Variants in RALYL observed in about 807,000 individuals in gnomAD.
RALYL encodes the protein RALY RNA binding protein like.
RALYL carries 29 observed loss-of-function variants against 35.1 expected under a neutral mutation model. That is an observed-to-expected ratio of 0.83 (90% CI 0.61 to 1.13). The LOEUF (loss-of-function observed/expected upper bound fraction) is 1.13. Among genes scored for constraint, RALYL ranks in the 50% most tolerant of loss-of-function variants. RALYL has a pLI of 0.00. For synonymous variants in RALYL, 120 were observed against 127.6 expected, an observed-to-expected ratio of 0.94 and a Z score of 0.40; for missense variants, 359 against 360.4, an observed-to-expected ratio of 1.00 and a Z score of 0.03.
rs551860795 is a variant in RALYL, at chr8:84,877,397, G to C, written c.685+4000G>C. ...AGCTACTCAGGAGTCTGAGGCAGGA[G>C]AATTGCTTGAACCCAGGAGGTGGAA... is the stretch of plus-strand genomic sequence containing the variant. On this transcript the variant is annotated intron_variant, in intron 7 of 8. Transcript: ENST00000521268. Among the ~76,000 whole-genome samples, 198 of 152,206 alleles carry C rather than the reference G, an allele frequency of 1.3e-3. 1 individual carries two copies. The highest frequency in any genetic ancestry group is 6.2e-3 in the South Asian group (30 of 4,818).
At chr8:84,880,435 C>T (rs1009343583) in intron 7 of RALYL, among the ~76,000 whole-genome samples, 4 of 151,952 alleles carry the variant, frequency 2.6e-5, no homozygotes, top group African/African-American at 9.7e-5. Flanking sequence ...TAGATATACT[C>T]CTCTGTACCC....
intron 1 of RALYL, among the ~76,000 whole-genome samples, chr8:84,414,187 GA>G (rs1383342560): frequency 6.6e-6 from 1 of 151,928 alleles, no homozygotes; most frequent in African/African-American, 2.4e-5. Context: ...AAATTTTCAT[GA>G]AAACCATTTT....
chr8:84,468,486 G>T (rs901347100), intron 1 of RALYL, among the ~76,000 whole-genome samples: 1 of 148,982 alleles, frequency 6.7e-6, no homozygotes, highest in East Asian at 2.0e-4. Context: ...CTCTCTTCTG[G>T]CTTGTAGGGT....
intron 2 of RALYL, among the ~76,000 whole-genome samples, chr8:84,743,622 T>A (rs1294711392): frequency 6.6e-6 from 1 of 152,014 alleles, no homozygotes; most frequent in Admixed American, 6.6e-5. Context: ...AGTTTTATGC[T>A]TTTTGAGACA....
chr8:84,899,718 G>A (rs754555179), intron 8 of RALYL, among the ~76,000 whole-genome samples: 8 of 152,138 alleles, frequency 5.3e-5, no homozygotes, highest in Non-Finnish European at 8.8e-5. Context: ...ACTCTATCGT[G>A]TTGGTTTTCA....
chr8:84,397,672 T>G (rs376427706), intron 1 of RALYL, among the ~76,000 whole-genome samples: 2 of 152,192 alleles, frequency 1.3e-5, no homozygotes, highest in East Asian at 1.9e-4. Context: ...ATGAAATGAC[T>G]TAAGAATAAG....
chr8:84,683,351 A>G (rs1341919078), intron 2 of RALYL, among the ~76,000 whole-genome samples: 1 of 152,030 alleles, frequency 6.6e-6, no homozygotes, highest in Non-Finnish European at 1.5e-5. Flanking sequence ...GTAGATGTCT[A>G]TTAGGTCTGC....
intron 1 of RALYL, among the ~76,000 whole-genome samples, chr8:84,272,316 A>G (rs529315774): frequency 6.6e-5 from 10 of 151,964 alleles, no homozygotes; most frequent in African/African-American, 2.4e-4. Flanking sequence ...CTGGTCTCGA[A>G]CTCCTGACCT....
intron 2 of RALYL, among the ~76,000 whole-genome samples, chr8:84,671,276 C>T (rs1455359400): frequency 1.3e-5 from 2 of 152,184 alleles, no homozygotes; most frequent in Non-Finnish European, 1.5e-5. Context: ...CTGCTGGCTG[C>T]TGTAATAGGC....
chr8:84,721,912 A>G (rs1440454691), intron 2 of RALYL, among the ~76,000 whole-genome samples: 1 of 152,128 alleles, frequency 6.6e-6, no homozygotes, highest in African/African-American at 2.4e-5. Context: ...CTACTCAGTA[A>G]TGGTATCAAC....
chr8:84,810,602 T>C (rs546015118), intron 4 of RALYL, among the ~76,000 whole-genome samples: 56 of 152,200 alleles, frequency 3.7e-4, no homozygotes, highest in Non-Finnish European at 6.9e-4. Flanking sequence ...TTCCCCACTA[T>C]TATTGTGTTG....
At chr8:84,529,151 T>A (rs2059106877) in intron 1 of RALYL, 148 bp from the exon 2 acceptor site, 2 of 763,398 alleles carry the variant, frequency 2.6e-6, no homozygotes, top group African/African-American at 3.5e-5. Flanking sequence ...AATATATTAA[T>A]TTTATTCTCA....
chr8:84,895,371 A>T (rs915609836), intron 8 of RALYL, among the ~76,000 whole-genome samples: 3 of 152,038 alleles, frequency 2.0e-5, no homozygotes, highest in African/African-American at 7.2e-5. Flanking sequence ...AAAGTCAGAA[A>T]GACTTTGTTA....
chr8:84,903,184 G>C (rs1845963169), intron 8 of RALYL, among the ~76,000 whole-genome samples: 1 of 152,018 alleles, frequency 6.6e-6, no homozygotes. Context: ...TGTTGAGCTG[G>C]GGTATAGTGT....
intron 1 of RALYL, among the ~76,000 whole-genome samples, chr8:84,346,457 A>T (rs972993345): frequency 6.6e-6 from 1 of 152,094 alleles, no homozygotes; most frequent in Non-Finnish European, 1.5e-5. Context: ...GGAAAGATTG[A>T]TAAGTGAAAG....
intron 2 of RALYL, among the ~76,000 whole-genome samples, chr8:84,632,689 A>G (rs775548489): frequency 3.3e-5 from 5 of 151,728 alleles, no homozygotes; most frequent in Non-Finnish European, 7.4e-5. Context: ...CTTATTCCGG[A>G]TGAGATCAGG....
intron 1 of RALYL, among the ~76,000 whole-genome samples, chr8:84,408,686 G>A (rs317950): frequency 0.071 from 10,837 of 152,192 alleles, 477 homozygotes; most frequent in African/African-American, 0.11. Flanking sequence ...AGACAACCAT[G>A]GACGCTTGTT....
chr8:84,427,680 G>C (rs1454941302), intron 1 of RALYL, among the ~76,000 whole-genome samples: 2 of 152,054 alleles, frequency 1.3e-5, no homozygotes, highest in African/African-American at 4.8e-5. Flanking sequence ...ATGCTCTACT[G>C]TTTCTTTTGC....
At chr8:84,210,604 G>A (rs16912526) in intron 1 of RALYL, among the ~76,000 whole-genome samples, 7,676 of 152,068 alleles carry the variant, frequency 0.05, 639 homozygotes, top group African/African-American at 0.17. Flanking sequence ...CTACCAGTGC[G>A]GAAAATTCAG....
Sources: allele counts gnomAD v4.1 joint callset (sites outside exome capture counted in the v4.1 genomes callset), GRCh38; gene constraint gnomAD v4.1.1; transcripts MANE v1.5; gene names NCBI Gene and HGNC (gene_info 2026-07-23, HGNC 2026-07-21).